Variants in GEMIN5 observed in about 807,000 individuals in gnomAD.
The protein encoded by GEMIN5 is gem-associated protein 5.
A neutral mutation model predicts 176.9 loss-of-function variants in GEMIN5; 124 were observed. That is an observed-to-expected ratio of 0.70 (90% CI 0.61 to 0.81). The LOEUF (loss-of-function observed/expected upper bound fraction) is 0.81, where lower values mean the gene tolerates loss of function less well. Ranked by LOEUF, GEMIN5 falls within the 40% of genes least tolerant of loss-of-function variation. GEMIN5 has a pLI of 0.00. For synonymous variants in GEMIN5, 673 were observed against 665.2 expected, an observed-to-expected ratio of 1.01 and a Z score of -0.18; for missense variants, 1,843 against 1,814.6, an observed-to-expected ratio of 1.02 and a Z score of -0.28.
Position 154,916,995 on chromosome 5 carries a change from T to G in GEMIN5, c.1855+3A>C. The G allele has an allele frequency of 6.5e-7, 1 of 1,543,608 alleles. No homozygotes were observed. Among genetic ancestry groups the G allele is most frequent in the Non-Finnish European group, 8.8e-7 (1 of 1,131,440 alleles). ...TCCCCAGTATGAAAGAAACCAAAGTTACCTATGACAGTCTTCAGGTTGTGC... is the reference window on the plus strand; with the variant it reads ...TCCCCAGTATGAAAGAAACCAAAGTGACCTATGACAGTCTTCAGGTTGTGC... On this transcript the variant is annotated splice_donor_region_variant and intron_variant, in intron 13 of 27. Coordinates refer to ENST00000285873, the MANE Select transcript of GEMIN5 (RefSeq NM_015465.5).
At chr5:154,911,991 C>A (rs1763712845) in intron 14 of GEMIN5, 93 bp from the exon 15 acceptor site, 2 of 1,167,400 alleles carry the variant, frequency 1.7e-6, no homozygotes, top group Non-Finnish European at 2.4e-6. Flanking sequence ...AAACAAAAAA[C>A]AAAAACAATC....
Position 154,935,851 on chromosome 5 carries a change from C to T in GEMIN5, c.499G>A (p.Val167Ile), listed in dbSNP as rs148705414. ...TGGCATAGTACTTACCCAATGGCTA[C>T]TAAATCTTCATGATGAGGTGAACAA... ...LTCSPHHEDL[V>I]AIGYKDGIVV... The change falls in exon 3 of 28, where the codon GTA becomes ATA. Residue 167 changes from valine to isoleucine, a missense_variant. Transcript: ENST00000285873. 2 of 1,611,784 alleles carry T rather than the reference C, an allele frequency of 1.2e-6. No individual in the cohort carries two copies. Among genetic ancestry groups the T allele is most frequent in the South Asian group, 1.1e-5 (1 of 90,980 alleles).
At chr5:154,908,746 G>C (rs1763627640) in intron 15 of GEMIN5, among the ~76,000 whole-genome samples, 1 of 152,186 alleles carries the variant, frequency 6.6e-6, no homozygotes, top group African/African-American at 2.4e-5. Flanking sequence ...TTCATGCAGG[G>C]CAATCTATGA....
Position 154,891,313 on chromosome 5 carries a change from G to A in GEMIN5, c.4190C>T (p.Thr1397Ile). ...QHQKSQLCKS[T>I]ANGPDKNEPE... ...TTCATTCTTATCAGGACCATTTGCT[G>A]TGGATTTACAGAGTTGACTCTTTTG... is the stretch of plus-strand genomic sequence containing the variant. The change falls in exon 26 of 28, where the codon ACA (threonine) becomes ATA (isoleucine). Residue 1397 changes from threonine to isoleucine, a missense_variant. Transcript: ENST00000285873. The A allele has an allele frequency of 6.2e-7, 1 of 1,614,046 alleles. No homozygotes were observed. The highest frequency in any genetic ancestry group is 8.5e-7 in the Non-Finnish European group (1 of 1,179,940).
chr5:154,894,905 TAAA>T (rs75462033), intron 24 of GEMIN5, among the ~76,000 whole-genome samples: 4 of 117,072 alleles, frequency 3.4e-5, no homozygotes, highest in Non-Finnish European at 5.3e-5. Context: ...AGACTCCATC[TAAA>T]AAAAAAAAAA....
intron 9 of GEMIN5, 140 bp from the exon 10 acceptor site, chr5:154,921,565 C>G (rs370044285): frequency 2.1e-5 from 12 of 582,608 alleles, no homozygotes; most frequent in Non-Finnish European, 3.6e-5. Flanking sequence ...CAATATCTTG[C>G]TCCAAATAGT....
intron 1 of GEMIN5, 56 bp from the exon 2 acceptor site, chr5:154,937,241 G>C (rs567216962): frequency 1.4e-6 from 2 of 1,410,084 alleles, no homozygotes; most frequent in Non-Finnish European, 1.9e-6. Flanking sequence ...GTTCCTGGCA[G>C]AATCATACTG....
At position 154,917,939 on chromosome 5, in the gene GEMIN5, AT is replaced by A; in HGVS notation, c.1664del (p.Asn555MetfsTer6). ...AAGAAGCAAATACATACCCATCTTC[AT>A]TGCCAAGAGCCATGATTTTGCCATC... ...KADGKIMALG[N>X]EDGSIEIFQI... is the part of the protein sequence containing the mutation. On this transcript the variant is annotated frameshift_variant, in exon 12 of 28. Transcript: ENST00000285873. LOFTEE classifies it high-confidence loss of function. 5.6e-6 allele frequency: 9 copies of A among 1,607,166 alleles called. No homozygotes were observed. The highest frequency in any genetic ancestry group is 6.0e-6 in the Non-Finnish European group (7 of 1,173,834).
Position 154,891,368 on chromosome 5 carries a change from C to CT in GEMIN5, c.4134dup (p.Glu1379ArgfsTer17), listed in dbSNP as rs754445767. 1 of 1,614,104 alleles carries CT rather than the reference C, an allele frequency of 6.2e-7. No homozygotes were observed. The highest frequency in any genetic ancestry group is 1.7e-5 in the Admixed American group (1 of 60,002). On this transcript the variant is annotated frameshift_variant, in exon 26 of 28. Transcript: ENST00000285873. LOFTEE classifies it high-confidence loss of function. ...TGTCGGATCATTTCTGCCAAGGTCT[C>CT]TTGGACTTCAGCAACAGTTCTCTGT...
At chr5:154,900,365 T>G (rs1763438069) in intron 21 of GEMIN5, among the ~76,000 whole-genome samples, 1 of 152,184 alleles carries the variant, frequency 6.6e-6, no homozygotes, top group Non-Finnish European at 1.5e-5. Flanking sequence ...TTTGAAAGTA[T>G]TTTGGGACTT....
intron 15 of GEMIN5, among the ~76,000 whole-genome samples, chr5:154,909,140 T>A (rs1217075971): frequency 6.8e-6 from 1 of 146,228 alleles, no homozygotes; most frequent in East Asian, 2.0e-4. Flanking sequence ...TGTATTTTTT[T>A]TTTTTTTTTT....
At chr5:154,919,681 C>T (rs1763882934) in intron 11 of GEMIN5, among the ~76,000 whole-genome samples, 1 of 152,182 alleles carries the variant, frequency 6.6e-6, no homozygotes, top group Non-Finnish European at 1.5e-5. Context: ...TATAATAAAT[C>T]ATTGTTGCAA....
intron 18 of GEMIN5, among the ~76,000 whole-genome samples, chr5:154,903,834 AT>A (rs968253631): frequency 1.6e-4 from 24 of 150,000 alleles, no homozygotes; most frequent in African/African-American, 2.0e-4. Context: ...TTAAAAAAAA[AT>A]TTTTTTTTTT....
intron 16 of GEMIN5, among the ~76,000 whole-genome samples, chr5:154,905,725 G>A (rs1763555172): frequency 1.4e-5 from 2 of 143,460 alleles, no homozygotes; most frequent in Admixed American, 1.5e-4. Context: ...TTGAGACGAA[G>A]TCTCACTCTG....
intron 21 of GEMIN5, among the ~76,000 whole-genome samples, chr5:154,900,743 G>T (rs1763444461): frequency 6.6e-6 from 1 of 152,142 alleles, no homozygotes; most frequent in Non-Finnish European, 1.5e-5. Context: ...CGTATGTAAA[G>T]GAAACTCCTT....
At chr5:154,892,333 G>A in intron 25 of GEMIN5, 54 bp downstream of exon 25, 2 of 1,359,208 alleles carry the variant, frequency 1.5e-6, no homozygotes, top group Non-Finnish European at 2.1e-6. Context: ...CACCACTAAT[G>A]GTGGTGATGT....
chr5:154,891,138 T>C, intron 26 of GEMIN5, 103 bp downstream of exon 26: 1 of 899,676 alleles, frequency 1.1e-6, no homozygotes. Flanking sequence ...CAAGTGATCC[T>C]CCTGCTTCAG....
intron 27 of GEMIN5, 107 bp downstream of exon 27, chr5:154,889,214 A>AT: frequency 1.6e-6 from 1 of 637,420 alleles, no homozygotes. Flanking sequence ...ATGGGTAGAG[A>AT]TTTTAGAAAC....
chr5:154,932,015 A>G (rs1254194551), intron 4 of GEMIN5, 84 bp downstream of exon 4: 1 of 1,084,902 alleles, frequency 9.2e-7, no homozygotes, highest in African/African-American at 1.6e-5. Context: ...CCAAAAATAA[A>G]TAATAAATAA....
Sources: allele counts gnomAD v4.1 joint callset (sites outside exome capture counted in the v4.1 genomes callset), GRCh38; gene constraint gnomAD v4.1.1; transcripts MANE v1.5; gene names NCBI Gene and HGNC (gene_info 2026-07-23, HGNC 2026-07-21).